MAP2K1: variants seen among roughly 807,000 people sequenced by gnomAD.
The protein encoded by MAP2K1 is dual specificity mitogen-activated protein kinase kinase 1.
MAP2K1 carries 16 observed loss-of-function variants against 46.3 expected under a neutral mutation model. The ratio of observed to expected loss-of-function variants is 0.35; its 90% CI spans 0.23 to 0.52. The LOEUF (loss-of-function observed/expected upper bound fraction) is 0.52. MAP2K1 is among the 20% of genes least tolerant of loss of function. The pLI, the probability that MAP2K1 is intolerant of heterozygous loss-of-function variation, is 0.94. For synonymous variants in MAP2K1, 183 were observed against 185.6 expected (o/e 0.99, Z 0.11); for missense variants, 263 against 497.1 (o/e 0.53, Z 4.48).
At chr15:66,454,756 G>A (rs889945684) in intron 5 of MAP2K1, among the ~76,000 whole-genome samples, 9 of 151,956 alleles carry the variant, frequency 5.9e-5, no homozygotes, top group Non-Finnish European at 1.2e-4. Context: ...GGTGCCGTGC[G>A]CCTGTAATCC....
chr15:66,468,463 A>T (rs1024635175), intron 5 of MAP2K1, among the ~76,000 whole-genome samples: 1 of 152,234 alleles, frequency 6.6e-6, no homozygotes. Flanking sequence ...GGAAGATTAA[A>T]GGTGGATGCC....
intron 1 of MAP2K1, 64 bp from the exon 2 acceptor site, chr15:66,434,963 G>A (rs1474035798): frequency 1.9e-6 from 2 of 1,033,194 alleles, no homozygotes; most frequent in African/African-American, 1.6e-5. Context: ...TCCATGATAG[G>A]AGTACTTCTT....
At chr15:66,437,297 G>T (rs929956029) in intron 3 of MAP2K1, among the ~76,000 whole-genome samples, 1 of 152,210 alleles carries the variant, frequency 6.6e-6, no homozygotes, top group Non-Finnish European at 1.5e-5. Context: ...AGCCTGAAGG[G>T]TTTCTCTGGG....
intron 5 of MAP2K1, among the ~76,000 whole-genome samples, chr15:66,462,756 G>A (rs1892359378): frequency 1.3e-5 from 2 of 152,114 alleles, no homozygotes; most frequent in South Asian, 4.1e-4. Flanking sequence ...GCTGGGCTTT[G>A]TTTCAGTGAG....
At chr15:66,446,637 A>C (rs141184994) in intron 5 of MAP2K1, 2 of 380,890 alleles carry the variant, frequency 5.3e-6, no homozygotes, top group Non-Finnish European at 1.1e-5. Flanking sequence ...CTTTGTATAC[A>C]TAAGCACATC....
chr15:66,396,149 G>C (rs987153861), intron 1 of MAP2K1, among the ~76,000 whole-genome samples: 4 of 152,058 alleles, frequency 2.6e-5, no homozygotes, highest in African/African-American at 9.7e-5. Flanking sequence ...TGGGCTACAG[G>C]TATGCGCCAC....
chr15:66,429,355 C>G (rs1250706423), intron 1 of MAP2K1, among the ~76,000 whole-genome samples: 1 of 152,118 alleles, frequency 6.6e-6, no homozygotes, highest in Non-Finnish European at 1.5e-5. Context: ...CACTCACTGT[C>G]ACAGGAACAA....
intron 5 of MAP2K1, among the ~76,000 whole-genome samples, chr15:66,452,425 A>G (rs1892056130): frequency 6.6e-6 from 1 of 152,116 alleles, no homozygotes; most frequent in African/African-American, 2.4e-5. Flanking sequence ...AGGGGGAAAC[A>G]GTTTTTCTAC....
At chr15:66,438,380 CCCAA>C (rs2093494535) in intron 3 of MAP2K1, among the ~76,000 whole-genome samples, 1 of 152,130 alleles carries the variant, frequency 6.6e-6, no homozygotes, top group Non-Finnish European at 1.5e-5. Context: ...AGCCACCGTG[CCCAA>C]CCAATCTTTT....
At chr15:66,449,949 T>C (rs1424813408) in intron 5 of MAP2K1, among the ~76,000 whole-genome samples, 2 of 148,178 alleles carry the variant, frequency 1.3e-5, no homozygotes, top group Admixed American at 6.8e-5. Context: ...CATGATCAAG[T>C]GGGCTTCATC....
chr15:66,420,725 G>T, intron 1 of MAP2K1, among the ~76,000 whole-genome samples: 2 of 37,756 alleles, frequency 5.3e-5, no homozygotes, highest in South Asian at 9.5e-4. Flanking sequence ...ATATATATGT[G>T]TGTGTGTGTG....
intron 1 of MAP2K1, among the ~76,000 whole-genome samples, chr15:66,395,387 C>T (rs1053072657): frequency 3.3e-5 from 5 of 152,092 alleles, no homozygotes; most frequent in Admixed American, 3.3e-4. Flanking sequence ...AGCTGTTGGC[C>T]CTGCCTTGCC....
At chr15:66,443,724 A>G (rs757876066) in intron 4 of MAP2K1, among the ~76,000 whole-genome samples, 2 of 152,004 alleles carry the variant, frequency 1.3e-5, no homozygotes, top group Non-Finnish European at 2.9e-5. Flanking sequence ...ATAAAAATAA[A>G]TAGCTGGGCG....
At chr15:66,438,253 A>AT (rs1215084785) in intron 3 of MAP2K1, among the ~76,000 whole-genome samples, 1 of 150,710 alleles carries the variant, frequency 6.6e-6, no homozygotes, top group Non-Finnish European at 1.5e-5. Flanking sequence ...CGCCCCGCTA[A>AT]TTTTTTTCTA....
At chr15:66,433,001 T>TGTGTGTGTGTG (rs56089688) in intron 1 of MAP2K1, among the ~76,000 whole-genome samples, 77 of 151,182 alleles carry the variant, frequency 5.1e-4, no homozygotes, top group South Asian at 1.5e-3. Context: ...TGTGTGTGTG[T>TGTGTGTGTGTG]TGACAGCTTT....
At chr15:66,485,392 T>G (rs1893013611) in intron 7 of MAP2K1, among the ~76,000 whole-genome samples, 1 of 152,202 alleles carries the variant, frequency 6.6e-6, no homozygotes, top group Non-Finnish European at 1.5e-5. Flanking sequence ...ATTTGTTGAG[T>G]ACGTACTATG....
chr15:66,480,099 T>C (rs1402995141), intron 5 of MAP2K1, among the ~76,000 whole-genome samples: 2 of 151,654 alleles, frequency 1.3e-5, no homozygotes, highest in African/African-American at 2.4e-5. Flanking sequence ...TTAATAAATA[T>C]ATTTTTTGAG....
At chr15:66,389,598 A>G (rs922741022) in intron 1 of MAP2K1, among the ~76,000 whole-genome samples, 9 of 57,890 alleles carry the variant, frequency 1.6e-4, no homozygotes, top group African/African-American at 2.5e-4. Flanking sequence ...TTTTTTTTTG[A>G]CAGTCTCGCT....
intron 5 of MAP2K1, among the ~76,000 whole-genome samples, chr15:66,478,458 G>GTA (rs377507737): frequency 0.019 from 2,317 of 119,756 alleles, 65 homozygotes; most frequent in African/African-American, 0.059. Context: ...ATATATACAG[G>GTA]TATATATATA....
Sources: allele counts gnomAD v4.1 joint callset (sites outside exome capture counted in the v4.1 genomes callset), GRCh38; gene constraint gnomAD v4.1.1; transcripts MANE v1.5; gene names NCBI Gene and HGNC (gene_info 2026-07-23, HGNC 2026-07-21).